The following KDM3B variants were observed in gnomAD, a reference collection of about 807,000 sequenced individuals.
KDM3B encodes the protein lysine demethylase 3B.
Under a neutral mutation model 170.0 loss-of-function variants are expected in KDM3B, and 10 were observed. That is an observed-to-expected ratio of 0.06 (90% CI 0.04 to 0.10). The LOEUF (loss-of-function observed/expected upper bound fraction) is 0.10, where lower values mean the gene tolerates loss of function less well. KDM3B is among the 10% of genes least tolerant of loss of function. KDM3B has a pLI of 1.00. For synonymous variants in KDM3B, 831 were observed against 834.8 expected, an observed-to-expected ratio of 1.00 and a Z score of 0.08; for missense variants, 1,394 against 2,195.2, an observed-to-expected ratio of 0.64 and a Z score of 7.29.
intron 19 of KDM3B, among the ~76,000 whole-genome samples, chr5:138,427,760 A>G (rs1374093935): frequency 2.6e-5 from 4 of 152,204 alleles, no homozygotes; most frequent in Non-Finnish European, 4.4e-5. Flanking sequence ...TTTTGGAGGT[A>G]GATTTGTTCC....
intron 8 of KDM3B, among the ~76,000 whole-genome samples, chr5:138,392,552 C>T (rs531829262): frequency 1.3e-5 from 2 of 152,318 alleles, no homozygotes; most frequent in East Asian, 3.9e-4. Context: ...TATTTCTTTG[C>T]ATTTGTCTCA....
intron 11 of KDM3B, among the ~76,000 whole-genome samples, chr5:138,406,461 C>T (rs1008088623): frequency 2.6e-5 from 4 of 151,970 alleles, no homozygotes; most frequent in Non-Finnish European, 5.9e-5. Context: ...CTGGCCAACA[C>T]GGTGAAACCC....
chr5:138,413,414 A>G (rs1763024706), intron 11 of KDM3B, among the ~76,000 whole-genome samples: 1 of 152,096 alleles, frequency 6.6e-6, no homozygotes, highest in African/African-American at 2.4e-5. Context: ...GACAGTATCA[A>G]GTATTATCAA....
At chr5:138,431,368 A>G (rs1387716505) in intron 22 of KDM3B, 57 bp from the exon 23 acceptor site, 16 of 1,400,734 alleles carry the variant, frequency 1.1e-5, no homozygotes, top group South Asian at 1.5e-5. Context: ...GACATTTTCC[A>G]TATGTTATTG....
At position 138,403,714 on chromosome 5, in the gene KDM3B, C is replaced by G. The variant is rs183794335; in HGVS notation, c.3199+3702C>G. Among the ~76,000 whole-genome samples the G allele has an allele frequency of 2.0e-5, 3 of 151,078 alleles. No individual in the cohort carries two copies. In the East Asian group the frequency reaches 5.8e-4, roughly 29 times the overall value. On this transcript the variant is annotated intron_variant, in intron 11 of 23. Transcript: ENST00000314358. The stretch of plus-strand genomic sequence containing the variant: ...AAAAGAATAGAAAAGAACCTTAAGC[C>G]AGGTATGATGGCTCACACCTGCAAT...
chr5:138,435,776 T>C lies in KDM3B; in HGVS notation c.*76T>C. The C allele has an allele frequency of 8.4e-7, 1 of 1,189,580 alleles. No homozygotes were observed. Among genetic ancestry groups the C allele is most frequent in the East Asian group, 2.5e-5 (1 of 39,670 alleles). The allele number at this position is 1,189,580 out of a possible 1,614,324, so 73.7% of individuals were successfully genotyped here. A position where few individuals can be genotyped will look rare whatever the true frequency, so the allele number is the denominator to read the frequency against. On this transcript the variant is annotated 3_prime_UTR_variant, in exon 24 of 24. Coordinates refer to ENST00000314358, the MANE Select transcript of KDM3B (RefSeq NM_016604.4). The stretch of plus-strand genomic sequence containing the variant: ...ACTTAACAGGGAACGGCAGGGCTCT[T>C]TGCTGGAGCAGAGGCCCTTCACCCA...
chr5:138,430,235 G>T lies in KDM3B; in HGVS notation c.4894-14G>T, dbSNP rs745818323. On this transcript the variant is annotated splice_polypyrimidine_tract_variant and intron_variant, in intron 21 of 23. Coordinates refer to ENST00000314358, the MANE Select transcript of KDM3B (RefSeq NM_016604.4). ...TTTTAATTTTCCCATCTTTGGATTTGATTATGGCTTCAGGTTGGAGAAGAA... is the reference window on the plus strand; with the variant it reads ...TTTTAATTTTCCCATCTTTGGATTTTATTATGGCTTCAGGTTGGAGAAGAA... 11 of 1,610,076 alleles carry T rather than the reference G, an allele frequency of 6.8e-6. No individual in the cohort carries two copies. The highest frequency in any genetic ancestry group is 1.7e-4 in the Middle Eastern group (1 of 6,042).
intron 9 of KDM3B, among the ~76,000 whole-genome samples, chr5:138,396,072 G>A (rs1561776696): frequency 6.6e-6 from 1 of 152,106 alleles, no homozygotes; most frequent in African/African-American, 2.4e-5. Flanking sequence ...GAAAATAAAA[G>A]GGAAAGGAAC....
At chr5:138,403,665 G>A (rs149527047) in intron 11 of KDM3B, among the ~76,000 whole-genome samples, 6,079 of 132,966 alleles carry the variant, frequency 0.046, 172 homozygotes, top group South Asian at 0.13. Context: ...CAACAAGAGC[G>A]AAACTCTGTC....
At chr5:138,421,107 T>C in intron 15 of KDM3B, 145 bp downstream of exon 15, 1 of 952,658 alleles carries the variant, frequency 1.0e-6, no homozygotes, top group South Asian at 1.7e-5. Flanking sequence ...GTTTTGGGAA[T>C]CTTTTTAAGT....
In KDM3B at chr5:138,418,934, T is replaced by C; in HGVS notation, c.3436-19T>C. The stretch of plus-strand genomic sequence containing the variant: ...ACCCAAGCACAGCACTCTAATTATG[T>C]TGGCCTTCTGCATTTTAGCTTCCTA... On this transcript the variant is annotated intron_variant, in intron 13 of 23. Transcript: ENST00000314358. The C allele has an allele frequency of 6.2e-7, 1 of 1,610,156 alleles. No homozygotes were observed. The highest frequency in any genetic ancestry group is 8.5e-7 in the Non-Finnish European group (1 of 1,176,824).
At chr5:138,422,247 T>C (rs1414742060) in intron 15 of KDM3B, among the ~76,000 whole-genome samples, 1 of 152,224 alleles carries the variant, frequency 6.6e-6, no homozygotes, top group South Asian at 2.1e-4. Context: ...CATTTTTGAC[T>C]GTTCTATAAT....
rs550980261 is a variant in KDM3B at position 138,396,674 on chromosome 5, T to C, written c.2832-1504T>C. ...ATACGTGGGCCAAGTTGCAGGGAAG[T>C]GTGGTAGTGTCGTGGTGGGAGCTTG... On this transcript the variant is annotated intron_variant, in intron 9 of 23. Transcript: ENST00000314358. Among the ~76,000 whole-genome samples, 70 of 151,888 alleles carry C rather than the reference T, an allele frequency of 4.6e-4. 1 individual carries two copies. Among genetic ancestry groups the C allele is most frequent in the Admixed American group, 1.6e-3 (24 of 15,240 alleles).
At chr5:138,367,579 A>G (rs968523518) in intron 1 of KDM3B, among the ~76,000 whole-genome samples, 1 of 152,202 alleles carries the variant, frequency 6.6e-6, no homozygotes, top group African/African-American at 2.4e-5. Flanking sequence ...CTTAACTAAT[A>G]AAATACTTTA....
chr5:138,355,031 T>G (rs1490434291), intron 1 of KDM3B, among the ~76,000 whole-genome samples: 1 of 152,222 alleles, frequency 6.6e-6, no homozygotes, highest in Non-Finnish European at 1.5e-5. Context: ...AAGAGAGATT[T>G]CCTTTGGACC....
chr5:138,424,411 G>A (rs1763344471), intron 16 of KDM3B, 70 bp downstream of exon 16: 3 of 1,515,844 alleles, frequency 2.0e-6, no homozygotes, highest in Non-Finnish European at 1.8e-6. Context: ...GACAATTCCA[G>A]GTCTCTCTTT....
chr5:138,410,305 T>C (rs1317775994), intron 11 of KDM3B, among the ~76,000 whole-genome samples: 2 of 152,154 alleles, frequency 1.3e-5, no homozygotes, highest in East Asian at 3.8e-4. Flanking sequence ...GGACTTGTAC[T>C]ACATTTCAAG....
At chr5:138,371,574 G>A (rs1356453806) in intron 1 of KDM3B, among the ~76,000 whole-genome samples, 1 of 152,038 alleles carries the variant, frequency 6.6e-6, no homozygotes, top group African/African-American at 2.4e-5. Flanking sequence ...TATATTTCAA[G>A]AAGTGGAGTA....
chr5:138,431,702 A>G, intron 23 of KDM3B, 143 bp downstream of exon 23: 1 of 735,144 alleles, frequency 1.4e-6, no homozygotes, highest in Non-Finnish European at 2.0e-6. Flanking sequence ...AAGTTTGGGG[A>G]TATGGAGTCC....
Sources: gnomAD v4.1 joint callset for allele counts (sites outside exome capture counted in the v4.1 genomes callset) on GRCh38, gnomAD v4.1.1 for gene constraint, MANE v1.5 for transcripts, NCBI Gene and HGNC (gene_info 2026-07-23, HGNC 2026-07-21) for gene names.